ATL2: variants seen among roughly 807,000 people sequenced by gnomAD.
The protein encoded by ATL2 is atlastin-2.
In ATL2, 31 loss-of-function variants were observed where a neutral mutation model predicts 73.9. The observed-to-expected ratio is 0.42, with a 90% CI of 0.32 to 0.57. The LOEUF (loss-of-function observed/expected upper bound fraction) is 0.57. Ranked by LOEUF, ATL2 falls within the 20% of genes least tolerant of loss-of-function variation. ATL2 has a pLI of 0.14. For synonymous variants in ATL2, 291 were observed against 237.5 expected, an observed-to-expected ratio of 1.23 and a Z score of -2.07; for missense variants, 738 against 702.6, an observed-to-expected ratio of 1.05 and a Z score of -0.57.
intron 1 of ATL2, among the ~76,000 whole-genome samples, chr2:38,352,793 C>A (rs1670433644): frequency 6.6e-6 from 1 of 152,168 alleles, no homozygotes; most frequent in South Asian, 2.1e-4. Context: ...AGAGTAAGGC[C>A]TACTGACAAT....
At position 38,375,758 on chromosome 2, in the gene ATL2, C is replaced by A. The variant is rs114723038; in HGVS notation, c.118+1385G>T. On this transcript the variant is annotated intron_variant, in intron 1 of 12. Transcript: ENST00000378954. The stretch of plus-strand genomic sequence containing the variant: ...AATTACTTAAGAAATCCAACCAGCA[C>A]ACATCTAAGGCGAAGCTGCTTCTTT... 8.0e-3 allele frequency among the ~76,000 whole-genome samples: 1,220 copies of A among 152,314 alleles called. 15 individuals are homozygous for A. The highest frequency in any genetic ancestry group is 0.028 in the African/African-American group (1,165 of 41,558).
intron 1 of ATL2, among the ~76,000 whole-genome samples, chr2:38,376,865 G>T (rs980266965): frequency 1.3e-5 from 2 of 150,620 alleles, no homozygotes; most frequent in African/African-American, 4.8e-5. Context: ...CACGCGGCGG[G>T]CTGGCGGGCA....
chr2:38,320,137 A>C (rs1381147645), intron 2 of ATL2, among the ~76,000 whole-genome samples: 1 of 152,148 alleles, frequency 6.6e-6, no homozygotes, highest in Non-Finnish European at 1.5e-5. Flanking sequence ...TCAATTTAAA[A>C]AATAACCCCA....
At chr2:38,297,026 A>G (rs973012887) in intron 12 of ATL2, among the ~76,000 whole-genome samples, 4 of 152,242 alleles carry the variant, frequency 2.6e-5, no homozygotes, top group Non-Finnish European at 5.9e-5. Flanking sequence ...ATTAGAAGAT[A>G]TCAAAGAAAC....
At chr2:38,338,839 A>G (rs111663928) in intron 2 of ATL2, among the ~76,000 whole-genome samples, 110 of 152,202 alleles carry the variant, frequency 7.2e-4, no homozygotes, top group African/African-American at 2.6e-3. Context: ...TCTTTCCAAA[A>G]TCCCATCACC....
rs142371104 is a variant in ATL2, at chr2:38,343,743, T to C, written c.119-231A>G. Among the ~76,000 whole-genome samples the C allele has an allele frequency of 8.4e-4, 128 of 152,254 alleles. 2 individuals are homozygous for C. The highest frequency in any genetic ancestry group is 3.0e-3 in the African/African-American group (124 of 41,546). ...GTCCCCACCCAAATCTCATCTTGAA[T>C]TGTAGCTCCCACAATTTCCACATGT... On this transcript the variant is annotated intron_variant, in intron 1 of 12. Coordinates refer to ENST00000378954, the MANE Select transcript of ATL2 (RefSeq NM_001135673.4).
intron 2 of ATL2, among the ~76,000 whole-genome samples, chr2:38,342,339 A>T (rs935301393): frequency 6.6e-6 from 1 of 152,204 alleles, no homozygotes; most frequent in Admixed American, 6.5e-5. Context: ...ATAAGCAACT[A>T]AAGTAATATC....
At chr2:38,345,058 C>CA (rs898477544) in intron 1 of ATL2, among the ~76,000 whole-genome samples, 5 of 152,138 alleles carry the variant, frequency 3.3e-5, no homozygotes, top group Non-Finnish European at 7.3e-5. Flanking sequence ...CTTCAGAGGA[C>CA]ACATACCTTG....
At chr2:38,341,147 AC>A (rs1297532879) in intron 2 of ATL2, among the ~76,000 whole-genome samples, 1 of 152,210 alleles carries the variant, frequency 6.6e-6, no homozygotes, top group Admixed American at 6.5e-5. Flanking sequence ...TCTGTGACCT[AC>A]TTGGAACAAA....
intron 5 of ATL2, 145 bp from the exon 6 acceptor site, chr2:38,314,809 T>C (rs551592028): frequency 2.3e-5 from 13 of 560,522 alleles, no homozygotes; most frequent in Admixed American, 6.8e-5. Context: ...ACACTAGGTA[T>C]GTACAAAATT....
chr2:38,343,187 T>G, intron 2 of ATL2, 81 bp downstream of exon 2: 27 of 659,334 alleles, frequency 4.1e-5, no homozygotes, highest in South Asian at 5.9e-5. Context: ...AAGATATAGT[T>G]CTGGTTTTTG....
chr2:38,370,144 C>T (rs1671587006), intron 1 of ATL2, among the ~76,000 whole-genome samples: 2 of 126,804 alleles, frequency 1.6e-5, no homozygotes, highest in Admixed American at 1.6e-4. Flanking sequence ...GACAGCGAGA[C>T]TCCGTCAAAA....
intron 2 of ATL2, among the ~76,000 whole-genome samples, chr2:38,331,010 G>T (rs1234465706): frequency 6.6e-6 from 1 of 152,192 alleles, no homozygotes; most frequent in African/African-American, 2.4e-5. Flanking sequence ...ACTGGTATAA[G>T]AACAAGACAT....
chr2:38,300,405 A>T, intron 9 of ATL2, 77 bp from the exon 10 acceptor site: 1 of 968,824 alleles, frequency 1.0e-6, no homozygotes, highest in South Asian at 1.4e-5. Context: ...AAAAGTCATT[A>T]AATATAAAAA....
At chr2:38,307,572 G>A (rs570749126) in intron 9 of ATL2, among the ~76,000 whole-genome samples, 256 of 152,122 alleles carry the variant, frequency 1.7e-3, no homozygotes, top group Non-Finnish European at 3.2e-3. Flanking sequence ...GATTTCTTCA[G>A]TAATACCCTA....
At chr2:38,337,780 C>T (rs1558426402) in intron 2 of ATL2, among the ~76,000 whole-genome samples, 1 of 151,754 alleles carries the variant, frequency 6.6e-6, no homozygotes, top group East Asian at 1.9e-4. Context: ...TTATTGCCTA[C>T]TTTTACATGT....
intron 2 of ATL2, among the ~76,000 whole-genome samples, chr2:38,319,695 ATGT>A (rs1668216207): frequency 6.6e-6 from 1 of 152,190 alleles, no homozygotes; most frequent in South Asian, 2.1e-4. Context: ...TTATTTTAAC[ATGT>A]TGTTACACAG....
chr2:38,315,978 G>A (rs1046087946), intron 4 of ATL2, among the ~76,000 whole-genome samples: 1 of 152,036 alleles, frequency 6.6e-6, no homozygotes, highest in African/African-American at 2.4e-5. Context: ...GATAAAGGAG[G>A]GTCTAAGTAT....
chr2:38,308,731 A>G (rs1667585987), intron 9 of ATL2, among the ~76,000 whole-genome samples: 1 of 152,134 alleles, frequency 6.6e-6, no homozygotes, highest in Admixed American at 6.5e-5. Context: ...AAGTATATAT[A>G]CTACGTACCC....
Sources: gnomAD v4.1 joint callset for allele counts (sites outside exome capture counted in the v4.1 genomes callset) on GRCh38, gnomAD v4.1.1 for gene constraint, MANE v1.5 for transcripts, NCBI Gene and HGNC (gene_info 2026-07-23, HGNC 2026-07-21) for gene names.